USH1C: variants seen among roughly 807,000 people sequenced by gnomAD.
USH1C encodes harmonin.
USH1C carries 90 observed loss-of-function variants against 119.3 expected under a neutral mutation model. The observed-to-expected ratio is 0.75, with a 90% CI of 0.64 to 0.90. The LOEUF is 0.90. Among genes scored for constraint, USH1C ranks in the 40% least tolerant of loss-of-function variants. USH1C has a pLI of 0.00. For missense variants in USH1C, 1,165 were observed against 1,167.7 expected, an observed-to-expected ratio of 1.00 and a Z score of 0.03; for synonymous variants, 465 against 443.3, an observed-to-expected ratio of 1.05 and a Z score of -0.62.
At position 17,527,342 on chromosome 11, in the gene USH1C, G is replaced by A. The variant is rs1370716833; in HGVS notation, c.388-11C>T. The A allele has an allele frequency of 6.2e-7, 1 of 1,603,264 alleles. No individual in the cohort carries two copies. Among genetic ancestry groups the A allele is most frequent in the South Asian group, 1.1e-5 (1 of 90,898 alleles). On this transcript the variant is annotated splice_polypyrimidine_tract_variant and intron_variant, in intron 4 of 26. Transcript: ENST00000005226. ...GATCTCGTCCCCTACCTTGACCACA[G>A]AGAGAGGCAGGGAGCACCAGGTGGA...
chr11:17,506,044 T>C (rs1849636888), intron 18 of USH1C, 95 bp from the exon 19 acceptor site: 2 of 1,580,836 alleles, frequency 1.3e-6, no homozygotes. Context: ...TCTACACCCA[T>C]GCATATGTGA....
At chr11:17,539,110 C>T (rs937904169) in intron 1 of USH1C, among the ~76,000 whole-genome samples, 3 of 152,112 alleles carry the variant, frequency 2.0e-5, no homozygotes, top group Admixed American at 2.0e-4. Flanking sequence ...TCTCTGTGGA[C>T]TCCTCCTCTA....
At position 17,523,407 on chromosome 11, in the gene USH1C, C is replaced by A; in HGVS notation, c.819+12G>T. On this transcript the variant is annotated intron_variant, in intron 10 of 26. Coordinates refer to ENST00000005226, the MANE Select transcript of USH1C (RefSeq NM_153676.4). Reference sequence around the variant, plus strand: ...TGACAAGGGCCAACAGGTGAAGACCCCCACATCTCACCTCCTTGTGATCCA... The same window carrying A: ...TGACAAGGGCCAACAGGTGAAGACCACCACATCTCACCTCCTTGTGATCCA... 1.9e-6 allele frequency: 3 copies of A among 1,614,128 alleles called. No individual in the cohort carries two copies. The highest frequency in any genetic ancestry group is 2.5e-6 in the Non-Finnish European group (3 of 1,180,006).
intron 1 of USH1C, among the ~76,000 whole-genome samples, chr11:17,541,157 C>T (rs1431982842): frequency 1.3e-5 from 2 of 152,184 alleles, no homozygotes; most frequent in African/African-American, 2.4e-5. Context: ...GAGAGGCCTT[C>T]GTGACTGCCT....
rs1214138756 is a variant in USH1C at position 17,526,353 on chromosome 11, C to T, written c.668G>A (p.Gly223Asp). Reference sequence around the variant, plus strand: ...GGGCATGCCTGCCACCCACCTGCAGCCAAGGCCTCGGGAGCCTACCAGGCT... The same window carrying T: ...GGGCATGCCTGCCACCCACCTGCAGTCAAGGCCTCGGGAGCCTACCAGGCT... ...FISLVGSRGL[G>D]CSISSGPIQK... Residue 223 changes from glycine (G) to aspartate (D), a missense_variant, in exon 8 of 27, where the codon GGC (glycine) becomes GAC (aspartate). By Grantham distance (94) the Gly-to-Asp change is moderately conservative. Transcript: ENST00000005226. The T allele has an allele frequency of 6.2e-7, 1 of 1,613,770 alleles. No individual in the cohort carries two copies. Among genetic ancestry groups the T allele is most frequent in the Non-Finnish European group, 8.5e-7 (1 of 1,179,896 alleles).
chr11:17,535,328 G>C (rs1851191773), intron 1 of USH1C, among the ~76,000 whole-genome samples: 2 of 151,894 alleles, frequency 1.3e-5, no homozygotes, highest in South Asian at 4.2e-4. Flanking sequence ...CTTGGCGTAT[G>C]CTTGTTCCCT....
Position 17,534,873 on chromosome 11 carries a change from CAA to C in USH1C, c.37-1553_37-1552del, listed in dbSNP as rs59152937. On this transcript the variant is annotated intron_variant, in intron 1 of 26. Coordinates refer to ENST00000005226, the MANE Select transcript of USH1C (RefSeq NM_153676.4). ...TGGGTGACAGAGCGAGACTCCATCT[CAA>C]AAAAAAAAAAAAAAAAAGGAGCTCC... Among the ~76,000 whole-genome samples the C allele has an allele frequency of 1.7e-3, 203 of 120,678 alleles. 2 individuals are homozygous for C. Among genetic ancestry groups the C allele is most frequent in the South Asian group, 3.2e-3 (11 of 3,428 alleles). 79.2% of individuals were successfully genotyped at this position (120,678 alleles called of 152,430 possible).
chr11:17,515,652 A>T (rs1160856127), intron 15 of USH1C, among the ~76,000 whole-genome samples: 1 of 152,262 alleles, frequency 6.6e-6, no homozygotes, highest in Admixed American at 6.5e-5. Context: ...GATAAGGACA[A>T]GAGAGTTTTA....
intron 20 of USH1C, among the ~76,000 whole-genome samples, chr11:17,503,921 TC>T (rs1441306251): frequency 6.6e-6 from 1 of 152,218 alleles, no homozygotes; most frequent in Non-Finnish European, 1.5e-5. Flanking sequence ...GCCCCTCTGC[TC>T]CCTGCCTGTA....
intron 2 of USH1C, among the ~76,000 whole-genome samples, chr11:17,532,709 C>T (rs1295795076): frequency 6.6e-6 from 1 of 152,190 alleles, no homozygotes; most frequent in African/African-American, 2.4e-5. Context: ...TTTACCTCTA[C>T]TTAGCAGTTA....
At chr11:17,516,359 T>G (rs1850144489) in intron 14 of USH1C, 69 bp from the exon 15 acceptor site, 1 of 1,496,766 alleles carries the variant, frequency 6.7e-7, no homozygotes, top group African/African-American at 1.4e-5. Flanking sequence ...GGGCAGCAGA[T>G]GGGAGCTGGG....
chr11:17,524,013 A>C (rs1850546078), intron 9 of USH1C, among the ~76,000 whole-genome samples: 1 of 152,212 alleles, frequency 6.6e-6, no homozygotes, highest in South Asian at 2.1e-4. Context: ...CTGCTTTGGG[A>C]TTGGACCACC....
At chr11:17,514,608 CAA>C (rs1423337985) in intron 15 of USH1C, 3 of 152,268 alleles carry the variant, frequency 2.0e-5, no homozygotes, top group East Asian at 1.9e-4. Context: ...TGCTGGGAGA[CAA>C]AGAGTCTCTC....
intron 1 of USH1C, among the ~76,000 whole-genome samples, chr11:17,540,028 C>T (rs1354113462): frequency 7.2e-5 from 11 of 151,944 alleles, no homozygotes; most frequent in African/African-American, 1.9e-4. Context: ...GATGGGGTCT[C>T]GCTATGTTGC....
At chr11:17,526,728 C>T (rs1165323124) in intron 7 of USH1C, 25 bp downstream of exon 7, 14 of 1,612,036 alleles carry the variant, frequency 8.7e-6, no homozygotes, top group Non-Finnish European at 1.1e-5. Context: ...CACCCAAACC[C>T]CATCACAGGA....
intron 14 of USH1C, among the ~76,000 whole-genome samples, chr11:17,520,037 A>G (rs563780909): frequency 2.6e-5 from 4 of 152,362 alleles, no homozygotes; most frequent in Admixed American, 1.3e-4. Context: ...CAGCTGGAGT[A>G]GGACCTGTCC....
At chr11:17,514,797 CT>C (rs57651457) in intron 15 of USH1C, among the ~76,000 whole-genome samples, 9,014 of 138,466 alleles carry the variant, frequency 0.065, 271 homozygotes, top group South Asian at 0.21. Context: ...AGAAGCAATT[CT>C]TTTTTTTTTT....
At position 17,510,519 on chromosome 11, in the gene USH1C, C is replaced by T. The variant is rs140982836; in HGVS notation, c.1416G>A (p.Val472=). 8 of 1,611,848 alleles carry T rather than the reference C, an allele frequency of 5.0e-6. No individual in the cohort carries two copies. Among genetic ancestry groups the T allele is most frequent in the Non-Finnish European group, 6.8e-6 (8 of 1,178,046 alleles). Reference sequence around the variant, plus strand: ...CAAGGTCTTCCCGCTCTGTCTCAGACACCTGGGACCCAGGATCGGCGCAGA... The same window carrying T: ...CAAGGTCTTCCCGCTCTGTCTCAGATACCTGGGACCCAGGATCGGCGCAGA... ...QLKINRLAQE[V]SETEREDLEE... Residue 472 remains valine, a splice_region_variant and synonymous_variant, in exon 17 of 27, where the codon GTG becomes GTA. Transcript: ENST00000005226.
Position 17,526,358 on chromosome 11 carries a change from G to C in USH1C, c.663C>G (p.Gly221=). ...KVFISLVGSR[G]LGCSISSGPI... is the part of the protein sequence containing the mutation. Reference sequence around the variant, plus strand: ...TGCCTGCCACCCACCTGCAGCCAAGGCCTCGGGAGCCTACCAGGCTGATGA... The same window carrying C: ...TGCCTGCCACCCACCTGCAGCCAAGCCCTCGGGAGCCTACCAGGCTGATGA... The change falls in exon 8 of 27, where the codon GGC becomes GGG. Residue 221 remains glycine (G), a synonymous_variant. Coordinates refer to ENST00000005226, the MANE Select transcript of USH1C (RefSeq NM_153676.4). 6.2e-7 allele frequency: 1 copy of C among 1,613,802 alleles called. No homozygotes were observed. Among genetic ancestry groups the C allele is most frequent in the Non-Finnish European group, 8.5e-7 (1 of 1,179,906 alleles).
Sources: gnomAD v4.1 joint callset for allele counts (sites outside exome capture counted in the v4.1 genomes callset) on GRCh38, gnomAD v4.1.1 for gene constraint, MANE v1.5 for transcripts, NCBI Gene and HGNC (gene_info 2026-07-23, HGNC 2026-07-21) for gene names.